GALNT17: variants seen among roughly 807,000 people sequenced by gnomAD.
GALNT17 encodes the protein polypeptide N-acetylgalactosaminyltransferase 17.
Under a neutral mutation model 63.7 loss-of-function variants are expected in GALNT17, and 29 were observed. The observed-to-expected ratio is 0.46, with a 90% CI of 0.34 to 0.62. The LOEUF (loss-of-function observed/expected upper bound fraction) is 0.62, where lower values mean the gene tolerates loss of function less well. Among genes scored for constraint, GALNT17 ranks in the 20% least tolerant of loss-of-function variants. The pLI is 0.01. For synonymous variants in GALNT17, 305 were observed against 318.3 expected, an observed-to-expected ratio of 0.96 and a Z score of 0.45; for missense variants, 603 against 799.6, an observed-to-expected ratio of 0.75 and a Z score of 2.97.
chr7:71,643,041 C>T (rs1790625478), intron 6 of GALNT17, among the ~76,000 whole-genome samples: 1 of 152,138 alleles, frequency 6.6e-6, no homozygotes, highest in African/African-American at 2.4e-5. Context: ...GGGACAGTCA[C>T]ACATGATGAA....
intron 5 of GALNT17, among the ~76,000 whole-genome samples, chr7:71,524,116 C>G (rs978845269): frequency 6.7e-6 from 1 of 150,308 alleles, no homozygotes; most frequent in Non-Finnish European, 1.5e-5. Flanking sequence ...GAATGTGTCT[C>G]AAAGAAAAAG....
intron 1 of GALNT17, among the ~76,000 whole-genome samples, chr7:71,321,141 A>C (rs1402559691): frequency 6.6e-6 from 1 of 152,170 alleles, no homozygotes; most frequent in Non-Finnish European, 1.5e-5. Context: ...CAAATTTCTT[A>C]GGTCTTGGCA....
intron 6 of GALNT17, among the ~76,000 whole-genome samples, chr7:71,629,532 G>A (rs1234773956): frequency 1.3e-5 from 2 of 152,224 alleles, no homozygotes; most frequent in Admixed American, 6.5e-5. Flanking sequence ...TTGTCACCCA[G>A]AATCAAGTGT....
At chr7:71,335,795 A>C (rs1028542881) in intron 2 of GALNT17, 62 bp downstream of exon 2, 37 of 1,307,910 alleles carry the variant, frequency 2.8e-5, no homozygotes, top group Non-Finnish European at 3.6e-5. Context: ...GTAGACCCCT[A>C]CGTTTGTGAT....
At chr7:71,360,443 C>G (rs775559276) in intron 2 of GALNT17, among the ~76,000 whole-genome samples, 12 of 152,070 alleles carry the variant, frequency 7.9e-5, no homozygotes, top group Non-Finnish European at 1.6e-4. Flanking sequence ...TTTCCAAGTT[C>G]CTGGGACTAT....
chr7:71,248,876 A>C lies in GALNT17; in HGVS notation c.239-86674A>C, dbSNP rs541862932. On this transcript the variant is annotated intron_variant, in intron 1 of 10. Transcript: ENST00000333538. ...CAAATCTGGGCTTCCAGATCCACCT[A>C]CTTTTACCGTAAAGGTGACAGCCTT... Among the ~76,000 whole-genome samples the C allele has an allele frequency of 1.5e-4, 23 of 152,218 alleles. No homozygotes were observed. The South Asian group carries it at 4.8e-3, about 32-fold the overall frequency.
intron 5 of GALNT17, among the ~76,000 whole-genome samples, chr7:71,464,086 G>A (rs1052736177): frequency 1.8e-4 from 27 of 152,070 alleles, no homozygotes; most frequent in Non-Finnish European, 1.0e-4. Flanking sequence ...TTTCTGTTCC[G>A]AACCCAACCT....
chr7:71,630,357 A>G (rs1206753173), intron 6 of GALNT17, among the ~76,000 whole-genome samples: 1 of 152,216 alleles, frequency 6.6e-6, no homozygotes, highest in Non-Finnish European at 1.5e-5. Flanking sequence ...AACTCAGAAC[A>G]TCCAGTCTGG....
chr7:71,428,030 G>A (rs1045904927), intron 5 of GALNT17, among the ~76,000 whole-genome samples: 4 of 152,162 alleles, frequency 2.6e-5, no homozygotes, highest in African/African-American at 9.6e-5. Flanking sequence ...AAAAGGTTGG[G>A]GACTGCTGAT....
At chr7:71,407,023 C>T (rs1793340194) in intron 3 of GALNT17, among the ~76,000 whole-genome samples, 1 of 152,126 alleles carries the variant, frequency 6.6e-6, no homozygotes, top group African/African-American at 2.4e-5. Flanking sequence ...GCGTTGAAGA[C>T]CATTTTTTCA....
At chr7:71,367,898 A>C (rs1563039574) in intron 2 of GALNT17, among the ~76,000 whole-genome samples, 1 of 152,188 alleles carries the variant, frequency 6.6e-6, no homozygotes, top group Non-Finnish European at 1.5e-5. Flanking sequence ...AATAAGGAAG[A>C]GGGGACTTGT....
At chr7:71,257,176 C>CT (rs1422307749) in intron 1 of GALNT17, among the ~76,000 whole-genome samples, 1 of 152,072 alleles carries the variant, frequency 6.6e-6, no homozygotes, top group African/African-American at 2.4e-5. Flanking sequence ...TCAATCTGTT[C>CT]TTTTTTTGTG....
chr7:71,483,830 C>T (rs1216074763), intron 5 of GALNT17, among the ~76,000 whole-genome samples: 1 of 152,126 alleles, frequency 6.6e-6, no homozygotes, highest in Admixed American at 6.6e-5. Flanking sequence ...AAAATATTTT[C>T]TTTCTTTATA....
intron 1 of GALNT17, among the ~76,000 whole-genome samples, chr7:71,316,635 T>G (rs1478711104): frequency 6.6e-6 from 1 of 152,090 alleles, no homozygotes; most frequent in Non-Finnish European, 1.5e-5. Flanking sequence ...GAGGAAAGGC[T>G]GATGGTACCA....
At chr7:71,469,142 G>A (rs58740274) in intron 5 of GALNT17, among the ~76,000 whole-genome samples, 2 of 152,014 alleles carry the variant, frequency 1.3e-5, no homozygotes, top group Non-Finnish European at 2.9e-5. Flanking sequence ...TCTGGCTTCA[G>A]GAAAGGGTGG....
intron 1 of GALNT17, among the ~76,000 whole-genome samples, chr7:71,333,855 C>A: frequency 6.6e-6 from 1 of 152,186 alleles, no homozygotes; most frequent in East Asian, 1.9e-4. Context: ...TGTACATTCC[C>A]ACTAGTAATG....
chr7:71,204,456 G>T (rs1436674910), intron 1 of GALNT17, among the ~76,000 whole-genome samples: 2 of 152,030 alleles, frequency 1.3e-5, no homozygotes, highest in African/African-American at 4.8e-5. Context: ...AATTTGATAG[G>T]GATTGCATTG....
chr7:71,475,847 C>T (rs950606922), intron 5 of GALNT17, among the ~76,000 whole-genome samples: 8 of 152,160 alleles, frequency 5.3e-5, no homozygotes. Context: ...TTAAAAGACA[C>T]CCAGGAATCT....
At chr7:71,284,349 A>T (rs1790833776) in intron 1 of GALNT17, 1 of 152,482 alleles carries the variant, frequency 6.6e-6, no homozygotes, top group African/African-American at 2.4e-5. Context: ...GGTGTGTGCT[A>T]GCACACCCGG....
Sources: gnomAD v4.1 joint callset for allele counts (sites outside exome capture counted in the v4.1 genomes callset) on GRCh38, gnomAD v4.1.1 for gene constraint, MANE v1.5 for transcripts, NCBI Gene and HGNC (gene_info 2026-07-23, HGNC 2026-07-21) for gene names.